EVC2: variants seen among roughly 807,000 people sequenced by gnomAD.
EVC2 encodes the protein limbin.
Under a neutral mutation model 149.3 loss-of-function variants are expected in EVC2, and 148 were observed. The ratio of observed to expected loss-of-function variants is 0.99; its 90% CI spans 0.87 to 1.14. EVC2 has a LOEUF of 1.14. Ranked by LOEUF, EVC2 falls within the 50% of genes most tolerant of loss-of-function variation. EVC2 has a pLI of 0.00. For missense variants in EVC2, 1,854 were observed against 1,627.3 expected (o/e 1.14, Z -2.40); for synonymous variants, 776 against 649.9 (o/e 1.19, Z -2.95).
At chr4:5,685,263 C>T (rs1054327850) in intron 6 of EVC2, 107 bp downstream of exon 6, 52 of 1,105,842 alleles carry the variant, frequency 4.7e-5, no homozygotes, top group Non-Finnish European at 7.0e-5. Context: ...GGTGGCATCA[C>T]TGAAGGAAGG....
At chr4:5,595,695 C>A (rs1713336209) in intron 16 of EVC2, among the ~76,000 whole-genome samples, 1 of 152,132 alleles carries the variant, frequency 6.6e-6, no homozygotes, top group Admixed American at 6.5e-5. Context: ...ATCATCATGA[C>A]AGGATCAAAT....
chr4:5,584,944 G>T (rs1577118853), intron 16 of EVC2, 94 bp from the exon 17 acceptor site: 1 of 1,349,834 alleles, frequency 7.4e-7, no homozygotes, highest in Non-Finnish European at 1.0e-6. Flanking sequence ...ACAGACCTGG[G>T]ATTCTGAGGA....
At position 5,704,846 on chromosome 4, in the gene EVC2, C is replaced by T. The variant is rs182362436; in HGVS notation, c.228+3440G>A. Among the ~76,000 whole-genome samples, 247 of 151,266 alleles carry T rather than the reference C, an allele frequency of 1.6e-3. 2 individuals carry two copies. Among genetic ancestry groups the T allele is most frequent in the African/African-American group, 5.5e-3 (228 of 41,114 alleles). The stretch of plus-strand genomic sequence containing the variant: ...TCAGCCTCCTGAAAACCTGGGAATA[C>T]AGGCATGTGCTATCACACACAGCTA... On this transcript the variant is annotated intron_variant, in intron 1 of 21. Transcript: ENST00000344408.
In EVC2 at chr4:5,622,933, T is replaced by C. The variant is rs779105373; in HGVS notation, c.2105A>G (p.Asp702Gly). Residue 702 changes from aspartate to glycine, a missense_variant, in exon 14 of 22, where the codon GAT (aspartate) becomes GGT (glycine). Transcript: ENST00000344408. This position sits in a 1 kb window ranked among gnomAD's most constrained non-coding sequence, Gnocchi z 5.8. ...SVGEAFRTVE[D>G]AGQYLHQKRS... is the part of the protein sequence containing the mutation. ...CTTCTGGTGCAGGTACTGGCCGGCA[T>C]CCTCAACCGTTCGGAAGGCCTCGCC... is the stretch of plus-strand genomic sequence containing the variant. The C allele has an allele frequency of 1.2e-6, 2 of 1,614,146 alleles. No homozygotes were observed. Among genetic ancestry groups the C allele is most frequent in the South Asian group, 1.1e-5 (1 of 91,070 alleles).
At chr4:5,556,168 A>G (rs1480263877) in intron 21 of EVC2, among the ~76,000 whole-genome samples, 5 of 118,410 alleles carry the variant, frequency 4.2e-5, no homozygotes, top group African/African-American at 1.7e-4. Context: ...TGACAGTGTG[A>G]GACTCCGTCT....
downstream of EVC2, chr4:5,562,290 T>C (rs1054557027): frequency 4.5e-6 from 1 of 221,886 alleles, no homozygotes; most frequent in African/African-American, 2.3e-5. The surrounding 1 kb of genome is among the most constrained non-coding windows in gnomAD (Gnocchi z 4.3). Flanking sequence ...CTGGTGACGG[T>C]AGACCCCAGG....
chr4:5,577,032 C>T (rs1722973707), intron 17 of EVC2, among the ~76,000 whole-genome samples: 1 of 152,200 alleles, frequency 6.6e-6, no homozygotes, highest in Non-Finnish European at 1.5e-5. Flanking sequence ...TGGCTAACAC[C>T]ACCAGTACCA....
intron 16 of EVC2, among the ~76,000 whole-genome samples, chr4:5,593,594 G>C (rs545168906): frequency 6.6e-6 from 1 of 152,212 alleles, no homozygotes; most frequent in South Asian, 2.1e-4. Flanking sequence ...GTGGAGCAAA[G>C]ATGGCCGAAT....
the EVC2 span, among the ~76,000 whole-genome samples, chr4:5,534,661 C>T: frequency 6.6e-6 from 1 of 151,994 alleles, no homozygotes; most frequent in African/African-American, 2.4e-5. Flanking sequence ...AACATCTCAC[C>T]TCCATGTGGT....
chr4:5,635,264 T>C (rs1716821723), intron 10 of EVC2, among the ~76,000 whole-genome samples: 1 of 152,068 alleles, frequency 6.6e-6, no homozygotes, highest in Non-Finnish European at 1.5e-5. Flanking sequence ...CTCAAACACC[T>C]GACCTCAGGT....
chr4:5,631,567 T>TTG (rs1553837131), intron 11 of EVC2, among the ~76,000 whole-genome samples: 41 of 148,928 alleles, frequency 2.8e-4, no homozygotes, highest in East Asian at 2.7e-3. Context: ...CGCAGTAGAC[T>TTG]GGGGGGGGGA....
chr4:5,568,548 T>C lies in EVC2; in HGVS notation c.3453A>G (p.Ser1151=). 6.2e-7 allele frequency: 1 copy of C among 1,603,852 alleles called. No individual in the cohort carries two copies. Among genetic ancestry groups the C allele is most frequent in the Non-Finnish European group, 8.5e-7 (1 of 1,178,820 alleles). ...RLLSVVLPTA[S]QPQLLALLDS... Reference sequence around the variant, plus strand: ...CCAGCAGGGCCAGCAGCTGAGGCTGTGAGGCTGTGGGCAGTACCACACTCA... The same window carrying C: ...CCAGCAGGGCCAGCAGCTGAGGCTGCGAGGCTGTGGGCAGTACCACACTCA... The change falls in exon 20 of 22, where the codon TCA becomes TCG. Residue 1151 remains serine (S), a synonymous_variant. Transcript: ENST00000344408.
intron 20 of EVC2, among the ~76,000 whole-genome samples, chr4:5,566,287 G>A (rs144690876): frequency 3.3e-4 from 51 of 152,324 alleles, no homozygotes; most frequent in African/African-American, 1.1e-3. Context: ...CTGCCTTGGC[G>A]GCTCACACCT....
rs551511631 is a variant in EVC2, at chr4:5,616,017, G to A, written c.2707-473C>T. Among the ~76,000 whole-genome samples the A allele has an allele frequency of 3.5e-4, 53 of 152,338 alleles. 1 individual carries two copies. The highest frequency in any genetic ancestry group is 3.4e-3 in the Middle Eastern group (1 of 294). The stretch of plus-strand genomic sequence containing the variant: ...GTTGGCGGACAGGACCTGGAAGCCC[G>A]GGGTATAGGCTGGGGCTGGGAGGGG... On this transcript the variant is annotated intron_variant, in intron 15 of 21. Coordinates refer to ENST00000344408, the MANE Select transcript of EVC2 (RefSeq NM_147127.5).
chr4:5,665,564 A>G lies in EVC2; in HGVS notation c.956T>C (p.Leu319Pro). ...CTTCAGACACTGATAGCGAACCATGAGGAAGAGGGCAGCCCAGGTCAGCAC... is the reference window on the plus strand; with the variant it reads ...CTTCAGACACTGATAGCGAACCATGGGGAAGAGGGCAGCCCAGGTCAGCAC... ...SLVLTWAALF[L>P]MVRYQCLKGN... Residue 319 changes from leucine to proline, a missense_variant, in exon 8 of 22, where the codon CTC becomes CCC. By Grantham distance (98) the Leu-to-Pro change is moderately conservative. Coordinates refer to ENST00000344408, the MANE Select transcript of EVC2 (RefSeq NM_147127.5). 1 of 1,614,172 alleles carries G rather than the reference A, an allele frequency of 6.2e-7. No individual in the cohort carries two copies. Among genetic ancestry groups the G allele is most frequent in the Non-Finnish European group, 8.5e-7 (1 of 1,180,020 alleles).
chr4:5,631,711 G>C (rs746820851), intron 11 of EVC2, 82 bp downstream of exon 11: 48 of 1,573,154 alleles, frequency 3.1e-5, no homozygotes, highest in African/African-American at 5.4e-5. Flanking sequence ...AGGAGAGGCA[G>C]GACTGAACTC....
intron 1 of EVC2, among the ~76,000 whole-genome samples, chr4:5,703,142 C>T (rs373112020): frequency 2.0e-5 from 3 of 152,292 alleles, no homozygotes; most frequent in East Asian, 1.9e-4. Context: ...CTAGTTAATA[C>T]AGACAAGAGC....
rs1320597225 is a variant in EVC2 at position 5,696,351 on chromosome 4, C to T, written c.283+1242G>A. Among the ~76,000 whole-genome samples the T allele has an allele frequency of 6.6e-6, 1 of 152,302 alleles. No individual in the cohort carries two copies. The highest frequency in any genetic ancestry group is 2.4e-5 in the African/African-American group (1 of 41,564). On this transcript the variant is annotated intron_variant, in intron 2 of 21. Transcript: ENST00000344408. The surrounding 1 kb of genome is among the most constrained non-coding windows in gnomAD (Gnocchi z 4.1). ...ACCCCTCCTCTATTCAGCAAGAATC[C>T]CGCTCAGTCTACAGAGCCAAGTGGG... is the stretch of plus-strand genomic sequence containing the variant.
At chr4:5,655,692 C>A (rs1219277143) in intron 9 of EVC2, among the ~76,000 whole-genome samples, 1 of 148,630 alleles carries the variant, frequency 6.7e-6, no homozygotes, top group Admixed American at 6.8e-5. Context: ...AGCACGCACA[C>A]ACAGCCCCTG....
Sources: allele counts gnomAD v4.1 joint callset (sites outside exome capture counted in the v4.1 genomes callset), GRCh38; gene constraint gnomAD v4.1.1; non-coding constraint Gnocchi (gnomAD v3.1); transcripts MANE v1.5; gene names NCBI Gene and HGNC (gene_info 2026-07-23, HGNC 2026-07-21).